RGS7: variants seen among roughly 807,000 people sequenced by gnomAD.
RGS7 encodes regulator of G-protein signaling 7.
In RGS7, 27 loss-of-function variants were observed where a neutral mutation model predicts 81.1. The observed-to-expected ratio is 0.33, with a 90% CI of 0.25 to 0.46. The LOEUF (loss-of-function observed/expected upper bound fraction) is 0.46. Ranked by LOEUF, RGS7 falls within the 20% of genes least tolerant of loss-of-function variation. The pLI, the probability that RGS7 is intolerant of heterozygous loss-of-function variation, is 1.00. For synonymous variants in RGS7, 208 were observed against 207.7 expected (o/e 1.00, Z -0.01); for missense variants, 396 against 607.4 (o/e 0.65, Z 3.66).
chr1:240,783,802 A>C (rs373525395), intron 18 of RGS7, among the ~76,000 whole-genome samples: 3 of 152,040 alleles, frequency 2.0e-5, no homozygotes, highest in South Asian at 4.2e-4. Context: ...TTCTCCTGCA[A>C]TCCCTTCTTC....
At chr1:241,159,492 TTCCA>T (rs1341489875) in intron 2 of RGS7, among the ~76,000 whole-genome samples, 2 of 151,854 alleles carry the variant, frequency 1.3e-5, no homozygotes, top group Middle Eastern at 3.2e-3. Context: ...CCTTCCTTCC[TTCCA>T]TCCATCCATC....
chr1:240,789,029 A>G (rs896475379), intron 18 of RGS7, among the ~76,000 whole-genome samples: 1 of 152,134 alleles, frequency 6.6e-6, no homozygotes, highest in Non-Finnish European at 1.5e-5. Context: ...GAAATCAGGG[A>G]CCCTGAATGG....
intron 9 of RGS7, among the ~76,000 whole-genome samples, chr1:240,837,292 G>A (rs941055855): frequency 1.3e-5 from 2 of 152,214 alleles, no homozygotes; most frequent in Non-Finnish European, 2.9e-5. Context: ...GCACATGAGC[G>A]ATTGATGTCC....
intron 3 of RGS7, among the ~76,000 whole-genome samples, chr1:240,996,523 A>T (rs918292850): frequency 6.6e-6 from 1 of 152,230 alleles, no homozygotes. Context: ...TCTTCTTGGA[A>T]AAATGAGCTC....
At chr1:241,231,638 C>T (rs1200945409) in intron 2 of RGS7, among the ~76,000 whole-genome samples, 1 of 151,954 alleles carries the variant, frequency 6.6e-6, no homozygotes, top group African/African-American at 2.4e-5. Flanking sequence ...GGATTACAGG[C>T]GTGAGCCACC....
intron 4 of RGS7, among the ~76,000 whole-genome samples, chr1:240,981,296 G>A (rs896102263): frequency 6.6e-6 from 1 of 152,020 alleles, no homozygotes; most frequent in Non-Finnish European, 1.5e-5. Flanking sequence ...TTTTAGTAGA[G>A]GCAGGGTTTT....
intron 2 of RGS7, among the ~76,000 whole-genome samples, chr1:241,290,165 T>C (rs150023724): frequency 9.1e-4 from 138 of 152,310 alleles, no homozygotes; most frequent in African/African-American, 3.1e-3. Context: ...AATGAGAAGT[T>C]TGTAATTTAG....
chr1:240,801,629 T>C, intron 16 of RGS7, 121 bp from the exon 17 acceptor site: 1 of 766,662 alleles, frequency 1.3e-6, no homozygotes. Context: ...ACCAAATCCA[T>C]GTTCTAAATC....
At chr1:241,007,646 A>G (rs1319684566) in intron 3 of RGS7, among the ~76,000 whole-genome samples, 2 of 152,200 alleles carry the variant, frequency 1.3e-5, no homozygotes, top group Non-Finnish European at 2.9e-5. Flanking sequence ...TGGTATGAGT[A>G]TGTGTATTCC....
At chr1:240,901,448 A>G (rs1669997197) in intron 6 of RGS7, among the ~76,000 whole-genome samples, 1 of 152,162 alleles carries the variant, frequency 6.6e-6, no homozygotes, top group African/African-American at 2.4e-5. Flanking sequence ...TTCTTTATAA[A>G]TTACCCAGTC....
chr1:241,236,962 T>C (rs1296619114), intron 2 of RGS7, among the ~76,000 whole-genome samples: 4 of 152,234 alleles, frequency 2.6e-5, no homozygotes, highest in Non-Finnish European at 4.4e-5. Context: ...TTTAGTCTGT[T>C]ATGTAGCATT....
At chr1:240,972,848 CAA>C (rs35291771) in intron 4 of RGS7, among the ~76,000 whole-genome samples, 138 of 74,968 alleles carry the variant, frequency 1.8e-3, no homozygotes, top group African/African-American at 5.5e-3. Context: ...CCCCGCCTCT[CAA>C]AAAAAAAAAA....
chr1:241,053,853 C>G (rs1168285508), intron 3 of RGS7, among the ~76,000 whole-genome samples: 2 of 152,284 alleles, frequency 1.3e-5, no homozygotes, highest in South Asian at 2.1e-4. Flanking sequence ...TTGCTTCGTT[C>G]TCATTCTTTC....
At chr1:241,147,654 T>C (rs989843136) in intron 2 of RGS7, among the ~76,000 whole-genome samples, 1 of 151,512 alleles carries the variant, frequency 6.6e-6, no homozygotes, top group African/African-American at 2.4e-5. Context: ...TTTCAACATA[T>C]AATTTCTATG....
chr1:240,862,483 A>G (rs1481072915), intron 9 of RGS7, among the ~76,000 whole-genome samples: 1 of 152,202 alleles, frequency 6.6e-6, no homozygotes, highest in Non-Finnish European at 1.5e-5. Flanking sequence ...GGATCAAATA[A>G]AAGTATTCAA....
chr1:240,895,373 T>C (rs1668902354), intron 6 of RGS7, among the ~76,000 whole-genome samples: 1 of 152,152 alleles, frequency 6.6e-6, no homozygotes, highest in South Asian at 2.1e-4. Flanking sequence ...TGTGCCATGT[T>C]GGTGTGCTGC....
chr1:240,838,807 C>A (rs556991705), intron 9 of RGS7, among the ~76,000 whole-genome samples: 94 of 151,784 alleles, frequency 6.2e-4, no homozygotes, highest in African/African-American at 2.2e-3. Flanking sequence ...TGCTCTGTCG[C>A]CCAGGCTGGA....
intron 2 of RGS7, among the ~76,000 whole-genome samples, chr1:241,293,160 G>T (rs1319261331): frequency 1.3e-5 from 2 of 152,186 alleles, no homozygotes; most frequent in Middle Eastern, 6.8e-3. Flanking sequence ...ATTTCCTATC[G>T]CCTAGCAACA....
At chr1:240,920,230 G>A in intron 6 of RGS7, 2 of 1,193,120 alleles carry the variant, frequency 1.7e-6, no homozygotes, top group Non-Finnish European at 2.5e-6. Context: ...TGCAGCCAAA[G>A]AGGTCGAAGT....
Sources: gnomAD v4.1 joint callset for allele counts (sites outside exome capture counted in the v4.1 genomes callset) on GRCh38, gnomAD v4.1.1 for gene constraint, MANE v1.5 for transcripts, NCBI Gene and HGNC (gene_info 2026-07-23, HGNC 2026-07-21) for gene names.